The following FBXL7 variants were observed in gnomAD, a reference collection of about 807,000 sequenced individuals.
FBXL7 encodes F-box and leucine rich repeat protein 7.
In FBXL7, 12 loss-of-function variants were observed where a neutral mutation model predicts 38.3. The ratio of observed to expected loss-of-function variants is 0.31; its 90% CI spans 0.20 to 0.51. The LOEUF is 0.51. Among genes scored for constraint, FBXL7 ranks in the 20% least tolerant of loss-of-function variants. The pLI is 0.98. For missense variants in FBXL7, 567 were observed against 676.4 expected, an observed-to-expected ratio of 0.84 and a Z score of 1.79; for synonymous variants, 297 against 300.9, an observed-to-expected ratio of 0.99 and a Z score of 0.13.
intron 1 of FBXL7, among the ~76,000 whole-genome samples, chr5:15,580,257 C>T (rs999904811): frequency 6.6e-6 from 1 of 152,120 alleles, no homozygotes; most frequent in Non-Finnish European, 1.5e-5. Context: ...CCTACTGGCA[C>T]CCTGATCTTT....
chr5:15,553,661 ACACT>A (rs1738151154), intron 1 of FBXL7, among the ~76,000 whole-genome samples: 1 of 152,226 alleles, frequency 6.6e-6, no homozygotes, highest in African/African-American at 2.4e-5. Flanking sequence ...AGTTCACTTA[ACACT>A]CAGGTTTCTT....
At chr5:15,548,704 G>C (rs1432408070) in intron 1 of FBXL7, among the ~76,000 whole-genome samples, 1 of 152,162 alleles carries the variant, frequency 6.6e-6, no homozygotes, top group Non-Finnish European at 1.5e-5. Flanking sequence ...AGGTGATTTT[G>C]AGGGCTCCAA....
At chr5:15,710,511 C>T (rs1010181084) in intron 2 of FBXL7, among the ~76,000 whole-genome samples, 2 of 152,134 alleles carry the variant, frequency 1.3e-5, no homozygotes, top group Non-Finnish European at 2.9e-5. Flanking sequence ...AAAAAACACA[C>T]TCTTGCTTAC....
chr5:15,695,666 C>T (rs1203950303), intron 2 of FBXL7, among the ~76,000 whole-genome samples: 7 of 152,142 alleles, frequency 4.6e-5, no homozygotes, highest in Admixed American at 3.9e-4. Flanking sequence ...GGACTTTATA[C>T]GGATTATCTC....
intron 2 of FBXL7, among the ~76,000 whole-genome samples, chr5:15,642,005 C>G (rs562485989): frequency 1.3e-5 from 2 of 149,624 alleles, no homozygotes; most frequent in South Asian, 4.2e-4. Flanking sequence ...TTCTATTTCT[C>G]TGCAAAACCC....
intron 1 of FBXL7, among the ~76,000 whole-genome samples, chr5:15,509,619 CA>C (rs1233415771): frequency 2.6e-5 from 4 of 151,850 alleles, no homozygotes; most frequent in African/African-American, 9.7e-5. Context: ...ACAACAACAA[CA>C]AAAAAAAGTG....
chr5:15,906,538 T>C (rs1249327983), intron 2 of FBXL7, among the ~76,000 whole-genome samples: 3 of 147,516 alleles, frequency 2.0e-5, no homozygotes, highest in Non-Finnish European at 4.4e-5. Flanking sequence ...TATTATACTC[T>C]AAGTTTTAGG....
chr5:15,772,495 G>A (rs1736753866), intron 2 of FBXL7, among the ~76,000 whole-genome samples: 1 of 152,152 alleles, frequency 6.6e-6, no homozygotes, highest in Admixed American at 6.5e-5. Flanking sequence ...ATCACTGAAA[G>A]GCACCATTGA....
At chr5:15,844,525 C>T (rs1237836075) in intron 2 of FBXL7, among the ~76,000 whole-genome samples, 1 of 152,192 alleles carries the variant, frequency 6.6e-6, no homozygotes, top group Non-Finnish European at 1.5e-5. Flanking sequence ...GGTGGCCAGG[C>T]CATCTCTCAT....
intron 2 of FBXL7, among the ~76,000 whole-genome samples, chr5:15,801,835 G>A (rs888557750): frequency 6.6e-6 from 1 of 151,666 alleles, no homozygotes; most frequent in Non-Finnish European, 1.5e-5. Context: ...CATATTTCGG[G>A]GGGGGCGGGG....
chr5:15,702,600 A>G (rs559888353), intron 2 of FBXL7, among the ~76,000 whole-genome samples: 1 of 152,148 alleles, frequency 6.6e-6, no homozygotes, highest in African/African-American at 2.4e-5. Context: ...TGTTATCATC[A>G]TCTCCTTTTT....
At chr5:15,799,888 A>G (rs1737516048) in intron 2 of FBXL7, among the ~76,000 whole-genome samples, 1 of 151,966 alleles carries the variant, frequency 6.6e-6, no homozygotes, top group African/African-American at 2.4e-5. Context: ...CTTCCCAACT[A>G]TCACTCTCAG....
intron 2 of FBXL7, among the ~76,000 whole-genome samples, chr5:15,651,114 T>G (rs1337368722): frequency 1.3e-5 from 2 of 150,200 alleles, no homozygotes; most frequent in South Asian, 2.1e-4. Flanking sequence ...TTTTTTTTTT[T>G]GTGATGATGT....
intron 1 of FBXL7, among the ~76,000 whole-genome samples, chr5:15,544,138 C>T (rs1737836126): frequency 6.6e-6 from 1 of 152,196 alleles, no homozygotes; most frequent in South Asian, 2.1e-4. Context: ...TGGGGTAGCC[C>T]TGCTCTGCAA....
At chr5:15,590,287 T>G (rs1225614081) in intron 1 of FBXL7, among the ~76,000 whole-genome samples, 1 of 152,160 alleles carries the variant, frequency 6.6e-6, no homozygotes, top group African/African-American at 2.4e-5. Flanking sequence ...TTTATTGATT[T>G]ATTTTCAACC....
chr5:15,730,535 A>G (rs1326150761), intron 2 of FBXL7, among the ~76,000 whole-genome samples: 1 of 152,162 alleles, frequency 6.6e-6, no homozygotes, highest in Non-Finnish European at 1.5e-5. Flanking sequence ...AAAAATTCAA[A>G]ATATATTGTT....
intron 2 of FBXL7, among the ~76,000 whole-genome samples, chr5:15,839,699 G>T (rs1454443521): frequency 6.6e-6 from 1 of 151,916 alleles, no homozygotes; most frequent in Admixed American, 6.6e-5. Context: ...GGCTACACTA[G>T]ATTTAATATT....
At chr5:15,667,617 G>A (rs2126592644) in intron 2 of FBXL7, among the ~76,000 whole-genome samples, 1 of 152,194 alleles carries the variant, frequency 6.6e-6, no homozygotes, top group East Asian at 1.9e-4. Context: ...TCTGTTTTTG[G>A]CAGGCCCAGC....
At chr5:15,569,133 A>G (rs971061712) in intron 1 of FBXL7, among the ~76,000 whole-genome samples, 16 of 152,198 alleles carry the variant, frequency 1.1e-4, no homozygotes, top group Non-Finnish European at 1.9e-4. Flanking sequence ...GAAGAAAGTC[A>G]TTGGTAGCTT....
Sources: allele counts gnomAD v4.1 joint callset (sites outside exome capture counted in the v4.1 genomes callset), GRCh38; gene constraint gnomAD v4.1.1; transcripts MANE v1.5; gene names NCBI Gene and HGNC (gene_info 2026-07-23, HGNC 2026-07-21).